The following ANK3 variants were observed in gnomAD, a reference collection of about 807,000 sequenced individuals.
ANK3 encodes ankyrin-3.
A neutral mutation model predicts 370.9 loss-of-function variants in ANK3; 57 were observed. The ratio of observed to expected loss-of-function variants is 0.15; its 90% CI spans 0.12 to 0.19. The LOEUF (loss-of-function observed/expected upper bound fraction) is 0.19, where lower values mean the gene tolerates loss of function less well. Among genes scored for constraint, ANK3 ranks in the 10% least tolerant of loss-of-function variants. The pLI is 1.00. For missense variants in ANK3, 4,439 were observed against 5,302.1 expected (o/e 0.84, Z 5.06); for synonymous variants, 1,929 against 1,946.3 (o/e 0.99, Z 0.23).
chr10:60,485,806 G>A (rs573792366), intron 2 of ANK3, among the ~76,000 whole-genome samples: 4 of 152,268 alleles, frequency 2.6e-5, no homozygotes, highest in East Asian at 1.9e-4. Context: ...ATGTCAGCAT[G>A]ATGGGCACAT....
chr10:60,287,140 G>A (rs2040198688), intron 1 of ANK3, among the ~76,000 whole-genome samples: 1 of 152,078 alleles, frequency 6.6e-6, no homozygotes, highest in East Asian at 1.9e-4. Context: ...CATGTCCTAG[G>A]CTTTGTCTCC....
chr10:60,656,837 A>C (rs958494877), intron 1 of ANK3, among the ~76,000 whole-genome samples: 18 of 152,064 alleles, frequency 1.2e-4, no homozygotes, highest in Middle Eastern at 3.4e-3. Flanking sequence ...AACTCACTGC[A>C]GCCTTGATCT....
At chr10:60,232,472 T>C (rs1565864065) in intron 8 of ANK3, among the ~76,000 whole-genome samples, 1 of 152,184 alleles carries the variant, frequency 6.6e-6, no homozygotes, top group Non-Finnish European at 1.5e-5. Flanking sequence ...AGAAGACCCC[T>C]GCCATTTAAA....
intron 25 of ANK3, among the ~76,000 whole-genome samples, chr10:60,116,755 T>A (rs2093121533): frequency 7.3e-6 from 1 of 136,312 alleles, no homozygotes; most frequent in Admixed American, 7.7e-5. Context: ...CCCCTCAGTC[T>A]AAAAAAAAAG....
intron 1 of ANK3, among the ~76,000 whole-genome samples, chr10:60,364,892 C>T (rs1487374047): frequency 6.6e-6 from 1 of 150,414 alleles, no homozygotes; most frequent in East Asian, 1.9e-4. Context: ...GAGACATTTT[C>T]TATATTTCCA....
chr10:60,362,314 A>G (rs2058736139), intron 1 of ANK3, among the ~76,000 whole-genome samples: 3 of 152,222 alleles, frequency 2.0e-5, no homozygotes, highest in Non-Finnish European at 2.9e-5. Context: ...GGAAGTATAA[A>G]CTATATTTTG....
At chr10:60,534,446 A>G (rs1312195898) in intron 2 of ANK3, among the ~76,000 whole-genome samples, 1 of 152,110 alleles carries the variant, frequency 6.6e-6, no homozygotes, top group Admixed American at 6.6e-5. Flanking sequence ...TAAAAGATAA[A>G]TGGGTGTTCT....
chr10:60,079,895 A>T (rs1310402682), intron 36 of ANK3, among the ~76,000 whole-genome samples: 1 of 152,152 alleles, frequency 6.6e-6, no homozygotes, highest in South Asian at 2.1e-4. Flanking sequence ...TAATAAGTGC[A>T]TGCCAGCTAA....
chr10:60,234,739 AT>A lies in ANK3; in HGVS notation c.845del (p.Asn282IlefsTer3), dbSNP rs1385019083. On this transcript the variant is annotated frameshift_variant, in exon 8 of 44. Transcript: ENST00000280772. LOFTEE classifies it high-confidence loss of function. ...LHVASKRGNA[N>X]MVKLLLDRGA... ...CTCGATCGAGCAATAGTTTTACCAT[AT>A]TTGCATTTCCTCTTTTTGATGCAAC... 6.2e-7 allele frequency: 1 copy of A among 1,613,622 alleles called. No individual in the cohort carries two copies. Among genetic ancestry groups the A allele is most frequent in the Admixed American group, 1.7e-5 (1 of 59,990 alleles).
chr10:60,401,493 C>T (rs898415893), intron 2 of ANK3, among the ~76,000 whole-genome samples: 19 of 152,074 alleles, frequency 1.2e-4, no homozygotes, highest in African/African-American at 3.9e-4. Flanking sequence ...AATTGTATTG[C>T]CACTATTCAG....
intron 21 of ANK3, among the ~76,000 whole-genome samples, chr10:60,167,832 C>T (rs2095664295): frequency 6.6e-6 from 1 of 152,110 alleles, no homozygotes; most frequent in Non-Finnish European, 1.5e-5. Context: ...ATTTCTACCC[C>T]TATCCCCAAT....
intron 2 of ANK3, among the ~76,000 whole-genome samples, chr10:60,549,140 TACACACACAC>T (rs3047236): frequency 0.011 from 1,612 of 145,638 alleles, 35 homozygotes; most frequent in African/African-American, 0.039. Flanking sequence ...GCATGTTTCA[TACACACACAC>T]ACACACACAC....
At chr10:60,268,893 G>T (rs2097919322) in intron 5 of ANK3, among the ~76,000 whole-genome samples, 1 of 152,090 alleles carries the variant, frequency 6.6e-6, no homozygotes, top group South Asian at 2.1e-4. Context: ...TATAAATGAG[G>T]ATGAGAAATT....
intron 35 of ANK3, among the ~76,000 whole-genome samples, chr10:60,080,996 TG>T (rs1281795810): frequency 6.6e-6 from 1 of 152,220 alleles, no homozygotes; most frequent in East Asian, 1.9e-4. Flanking sequence ...CAATTACTGC[TG>T]GGGATTCTGT....
chr10:60,030,598 T>C (rs2073232791), intron 43 of ANK3, among the ~76,000 whole-genome samples: 1 of 152,158 alleles, frequency 6.6e-6, no homozygotes, highest in African/African-American at 2.4e-5. Flanking sequence ...AAGAAGCTTA[T>C]GTCTCATGGC....
chr10:60,131,199 C>A (rs2094045473), intron 25 of ANK3, among the ~76,000 whole-genome samples: 1 of 152,162 alleles, frequency 6.6e-6, no homozygotes, highest in Non-Finnish European at 1.5e-5. Flanking sequence ...TTCCTACATA[C>A]ACAGATATCT....
intron 11 of ANK3, 91 bp from the exon 12 acceptor site, chr10:60,203,191 C>T (rs1363272214): frequency 1.3e-6 from 1 of 786,872 alleles, no homozygotes; most frequent in Non-Finnish European, 2.2e-6. Flanking sequence ...ATCCACCCAT[C>T]TAAATCAGTT....
At chr10:60,358,762 A>G (rs2058168073) in intron 1 of ANK3, among the ~76,000 whole-genome samples, 2 of 151,954 alleles carry the variant, frequency 1.3e-5, no homozygotes, top group South Asian at 4.1e-4. Context: ...AACACTGGCC[A>G]CCTTTCTGAG....
rs139463634 is a variant in ANK3 at position 60,692,127 on chromosome 10, A to C, written c.57+41136T>G. ...TGTTATGGGACAGAATTAAAAGCCA[A>C]TGTGTGTCAAGGGATTTTGTTGTTT... On this transcript the variant is annotated intron_variant, in intron 1 of 43. Coordinates refer to the ANK3 transcript ENST00000373827. 1.8e-4 allele frequency among the ~76,000 whole-genome samples: 28 copies of C among 152,344 alleles called. No homozygotes were observed. The East Asian group carries it at 4.4e-3, about 24-fold the overall frequency.
Sources: allele counts gnomAD v4.1 joint callset (sites outside exome capture counted in the v4.1 genomes callset), GRCh38; gene constraint gnomAD v4.1.1; transcripts MANE v1.5; gene names NCBI Gene and HGNC (gene_info 2026-07-23, HGNC 2026-07-21).